The following ABCB11 variants were observed in gnomAD, a reference collection of about 807,000 sequenced individuals.
ABCB11 encodes the protein ATP binding cassette subfamily B member 11, also known as bile salt export pump.
A neutral mutation model predicts 148.0 loss-of-function variants in ABCB11; 95 were observed. The observed-to-expected ratio is 0.64, with a 90% CI of 0.54 to 0.76. The LOEUF (loss-of-function observed/expected upper bound fraction) is 0.76, where lower values mean the gene tolerates loss of function less well. Ranked by LOEUF, ABCB11 falls within the 30% of genes least tolerant of loss-of-function variation. The pLI is 0.00. For missense variants in ABCB11, 1,523 were observed against 1,617.8 expected (o/e 0.94, Z 1.01); for synonymous variants, 591 against 555.4 (o/e 1.06, Z -0.90).
chr2:169,001,894 T>C (rs1209834867), intron 5 of ABCB11, among the ~76,000 whole-genome samples: 1 of 152,088 alleles, frequency 6.6e-6, no homozygotes, highest in Non-Finnish European at 1.5e-5. Context: ...GCCAGTTGAC[T>C]TTTTCCCCCC....
chr2:168,978,643 G>A (rs1275602178), intron 11 of ABCB11, among the ~76,000 whole-genome samples: 1 of 145,014 alleles, frequency 6.9e-6, no homozygotes, highest in Non-Finnish European at 1.5e-5. Context: ...GCTTGCTTTG[G>A]ACTCAGCTCA....
At chr2:168,974,850 T>G (rs1558899872) in intron 12 of ABCB11, among the ~76,000 whole-genome samples, 1 of 151,616 alleles carries the variant, frequency 6.6e-6, no homozygotes, top group South Asian at 2.1e-4. Flanking sequence ...CCTTTACATA[T>G]GTTATAACAT....
chr2:168,988,068 A>T lies in ABCB11; in HGVS notation c.909-1784T>A, dbSNP rs561636900. 3.9e-5 allele frequency among the ~76,000 whole-genome samples: 6 copies of T among 152,282 alleles called. No homozygotes were observed. The South Asian group carries it at 1.2e-3, about 32-fold the overall frequency. On this transcript the variant is annotated intron_variant, in intron 9 of 27. Transcript: ENST00000650372. Reference sequence around the variant, plus strand: ...AGTATGCAATGTGATGTTATTAACCATAGTCACCATGTTAACAACACATTT... The same window carrying T: ...AGTATGCAATGTGATGTTATTAACCTTAGTCACCATGTTAACAACACATTT...
At position 168,936,376 on chromosome 2, in the gene ABCB11, T is replaced by C; in HGVS notation, c.2668A>G (p.Met890Val). The C allele has an allele frequency of 6.2e-7, 1 of 1,613,906 alleles. No homozygotes were observed. Among genetic ancestry groups the C allele is most frequent in the Non-Finnish European group, 8.5e-7 (1 of 1,179,880 alleles). ...VNSFTNVTVA[M>V]IIAFSFSWKL... ...CAGCTAAAGGAGAAGGCAATGATCA[T>C]GGCCACAGTGACGTTAGTGAAGGAA... The change falls in exon 22 of 28, where the codon ATG (methionine) becomes GTG (valine). Residue 890 changes from methionine (M) to valine (V), a missense_variant. Coordinates refer to ENST00000650372, the MANE Select transcript of ABCB11 (RefSeq NM_003742.4).
Position 168,923,809 on chromosome 2 carries a change from G to C in ABCB11, c.3779C>G (p.Ala1260Gly). 1 of 1,613,938 alleles carries C rather than the reference G, an allele frequency of 6.2e-7. No individual in the cohort carries two copies. Among genetic ancestry groups the C allele is most frequent in the South Asian group, 1.1e-5 (1 of 91,068 alleles). ...CCGACCCTCTCTGGCTTTGTCTAGA[G>C]CAACCTGCACCGTCTGCAAAGAGAA... is the stretch of plus-strand genomic sequence containing the variant. ...DTESEKTVQV[A>G]LDKAREGRTC... is the part of the protein sequence containing the mutation. Residue 1260 changes from alanine (A) to glycine (G), a missense_variant, in exon 28 of 28, where the codon GCT becomes GGT. Coordinates refer to ENST00000650372, the MANE Select transcript of ABCB11 (RefSeq NM_003742.4).
At position 169,022,304 on chromosome 2, in the gene ABCB11, G is replaced by A. The variant is rs570916101; in HGVS notation, c.-27-4152C>T. Among the ~76,000 whole-genome samples, 35 of 151,880 alleles carry A rather than the reference G, an allele frequency of 2.3e-4. 1 individual carries two copies. The South Asian group carries it at 7.1e-3, about 31-fold the overall frequency. On this transcript the variant is annotated intron_variant, in intron 1 of 27. Coordinates refer to ENST00000650372, the MANE Select transcript of ABCB11 (RefSeq NM_003742.4). ...TATATCAATTCAAAAGTTGTTTTTT[G>A]AAAACTAAAAACATGCAAGTCAATA...
At chr2:168,965,049 T>A (rs984107692) in intron 17 of ABCB11, among the ~76,000 whole-genome samples, 10 of 151,832 alleles carry the variant, frequency 6.6e-5, no homozygotes, top group African/African-American at 2.4e-4. Context: ...GTAAGTGCTA[T>A]TAGGCAGGTT....
intron 1 of ABCB11, among the ~76,000 whole-genome samples, chr2:169,025,049 TTAA>T (rs1382281324): frequency 2.0e-5 from 3 of 152,160 alleles, no homozygotes; most frequent in African/African-American, 7.2e-5. Flanking sequence ...GAGAGACTCT[TTAA>T]TAATGAGAAA....
In ABCB11 at chr2:168,968,220, A is replaced by G. The variant is rs370321653; in HGVS notation, c.2075+207T>C. On this transcript the variant is annotated intron_variant, in intron 17 of 27. Coordinates refer to ENST00000650372, the MANE Select transcript of ABCB11 (RefSeq NM_003742.4). ...CATTGTAACCCTTATCCCCAAGAAGATGAGAAGCTAACCAAAAACCCATGA... is the reference window on the plus strand; with the variant it reads ...CATTGTAACCCTTATCCCCAAGAAGGTGAGAAGCTAACCAAAAACCCATGA... Among the ~76,000 whole-genome samples, 145 of 120,738 alleles carry G rather than the reference A, an allele frequency of 1.2e-3. 1 individual carries two copies. Among genetic ancestry groups the G allele is most frequent in the African/African-American group, 3.5e-3 (123 of 35,410 alleles). The allele number at this position is 120,738 out of a possible 152,430, so 79.2% of individuals were successfully genotyped here. A position where few individuals can be genotyped will look rare whatever the true frequency, so the allele number is the denominator to read the frequency against.
At chr2:168,993,648 C>T (rs527885582) in intron 8 of ABCB11, 63 bp downstream of exon 8, 8 of 1,488,216 alleles carry the variant, frequency 5.4e-6, no homozygotes, top group Admixed American at 2.0e-5. Flanking sequence ...TCAAGCTTCA[C>T]ATTTTTGGCT....
chr2:168,982,336 A>G (rs1694159778), intron 10 of ABCB11, among the ~76,000 whole-genome samples: 1 of 152,154 alleles, frequency 6.6e-6, no homozygotes, highest in South Asian at 2.1e-4. Flanking sequence ...GTATAATGAC[A>G]CCAATTACGG....
intron 1 of ABCB11, among the ~76,000 whole-genome samples, chr2:169,029,273 CTTT>C (rs4148769): frequency 0.11 from 16,028 of 147,092 alleles, 923 homozygotes; most frequent in East Asian, 0.21. Context: ...TCTTTTCTTT[CTTT>C]TTTTTTTTTT....
At chr2:169,005,751 A>C (rs1187963863) in intron 5 of ABCB11, among the ~76,000 whole-genome samples, 2 of 152,186 alleles carry the variant, frequency 1.3e-5, no homozygotes, top group Admixed American at 1.3e-4. Flanking sequence ...TAAATATGTT[A>C]ATTAGCTCAA....
chr2:169,001,559 A>T (rs1314941747), intron 5 of ABCB11, among the ~76,000 whole-genome samples: 3 of 152,128 alleles, frequency 2.0e-5, no homozygotes, highest in African/African-American at 7.2e-5. Flanking sequence ...AGGGGGTGGC[A>T]CAAGAGGGGC....
intron 21 of ABCB11, among the ~76,000 whole-genome samples, chr2:168,942,732 T>A (rs1187738662): frequency 6.6e-6 from 1 of 151,774 alleles, no homozygotes; most frequent in Non-Finnish European, 1.5e-5. Context: ...CATAAATATA[T>A]ACACCTACTT....
At chr2:168,963,383 C>T (rs1693159910) in intron 18 of ABCB11, among the ~76,000 whole-genome samples, 1 of 151,482 alleles carries the variant, frequency 6.6e-6, no homozygotes, top group Non-Finnish European at 1.5e-5. Flanking sequence ...GATTAAGGCT[C>T]AATAAGAAAA....
intron 23 of ABCB11, among the ~76,000 whole-genome samples, chr2:168,932,741 G>A (rs1445183684): frequency 6.6e-6 from 1 of 152,174 alleles, no homozygotes; most frequent in Non-Finnish European, 1.5e-5. Flanking sequence ...AAAGGAGTAA[G>A]AAGAGGACTG....
At chr2:168,981,245 A>C (rs1280419993) in intron 10 of ABCB11, among the ~76,000 whole-genome samples, 1 of 152,024 alleles carries the variant, frequency 6.6e-6, no homozygotes, top group Non-Finnish European at 1.5e-5. Context: ...TTCATTCCAC[A>C]CATTAGGATG....
At chr2:168,924,231 T>C (rs776523111) in intron 27 of ABCB11, among the ~76,000 whole-genome samples, 1 of 152,214 alleles carries the variant, frequency 6.6e-6, no homozygotes, top group Non-Finnish European at 1.5e-5. Context: ...ATTTTAAATT[T>C]CATAATTGTG....
Sources: gnomAD v4.1 joint callset for allele counts (sites outside exome capture counted in the v4.1 genomes callset) on GRCh38, gnomAD v4.1.1 for gene constraint, MANE v1.5 for transcripts, NCBI Gene and HGNC (gene_info 2026-07-23, HGNC 2026-07-21) for gene names.